The following STIM2 variants were observed in gnomAD, a reference collection of about 807,000 sequenced individuals.
STIM2 encodes the protein stromal interaction molecule 2.
STIM2 carries 31 observed loss-of-function variants against 85.8 expected under a neutral mutation model. The ratio of observed to expected loss-of-function variants is 0.36; its 90% CI spans 0.27 to 0.49. The LOEUF (loss-of-function observed/expected upper bound fraction) is 0.49, where lower values mean the gene tolerates loss of function less well. STIM2 is among the 20% of genes least tolerant of loss of function. STIM2 has a pLI of 0.98. For missense variants in STIM2, 841 were observed against 927.6 expected (o/e 0.91, Z 1.21); for synonymous variants, 356 against 331.1 (o/e 1.08, Z -0.82).
Position 27,002,926 on chromosome 4 carries a change from G to T in STIM2, c.804-1G>T. On this transcript the variant is annotated splice_acceptor_variant, in intron 6 of 11. Transcript: ENST00000467087. LOFTEE classifies it high-confidence loss of function. ...AATTTTTATTTTTATTGTTCTATAA[G>T]GCTTGAAAAGGCACAGGAAGAAAAC... The T allele has an allele frequency of 1.3e-6, 2 of 1,548,350 alleles. No homozygotes were observed. Among genetic ancestry groups the T allele is most frequent in the Non-Finnish European group, 1.7e-6 (2 of 1,156,368 alleles).
rs780713269 is a variant in STIM2, at chr4:27,008,944, T to C, written c.1431T>C (p.Ile477=). The C allele has an allele frequency of 9.9e-6, 16 of 1,614,110 alleles. No homozygotes were observed. Among genetic ancestry groups the C allele is most frequent in the Admixed American group, 5.0e-5 (3 of 60,016 alleles). The change falls in exon 10 of 12, where the codon ATT becomes ATC. Residue 477 remains isoleucine (I), a synonymous_variant. Transcript: ENST00000467087. ...GAGTCTCCATTCCACCCTATCCAAT[T>C]GCTGGAGGAGTTGATGACTTAGATG...
chr4:26,899,564 G>T (rs544848212), intron 1 of STIM2, among the ~76,000 whole-genome samples: 4 of 152,228 alleles, frequency 2.6e-5, no homozygotes, highest in African/African-American at 9.6e-5. Context: ...GAAATTCCTA[G>T]ATAGTTTAGT....
At chr4:26,875,950 G>A (rs915696840) in intron 1 of STIM2, among the ~76,000 whole-genome samples, 1 of 152,146 alleles carries the variant, frequency 6.6e-6, no homozygotes, top group Non-Finnish European at 1.5e-5. Flanking sequence ...GAAGAGTTCA[G>A]TGTTTCCTTC....
In STIM2 at chr4:26,999,247, A is replaced by G. The variant is rs759016210; in HGVS notation, c.525A>G (p.Glu175=). 3.1e-6 allele frequency: 5 copies of G among 1,606,338 alleles called. No homozygotes were observed. Among genetic ancestry groups the G allele is most frequent in the African/African-American group, 2.7e-5 (2 of 74,524 alleles). The change falls in exon 5 of 12, where the codon GAA becomes GAG. Residue 175 remains glutamate, a synonymous_variant. Transcript: ENST00000467087. ...AAATAAACAGGATAGCAGTGCACGA[A>G]CCTTCATTTATGATCTCCCAGTTGA... is the stretch of plus-strand genomic sequence containing the variant.
At chr4:26,903,238 C>T (rs952841383) in intron 1 of STIM2, among the ~76,000 whole-genome samples, 10 of 152,128 alleles carry the variant, frequency 6.6e-5, no homozygotes, top group African/African-American at 2.4e-4. Flanking sequence ...TAAATCCATA[C>T]TCTGCAACTG....
intron 1 of STIM2, among the ~76,000 whole-genome samples, chr4:26,906,980 A>T (rs1038398278): frequency 6.6e-6 from 1 of 151,942 alleles, no homozygotes; most frequent in Admixed American, 6.6e-5. Flanking sequence ...AAAAAAAAAA[A>T]AAAGAATATG....
At position 27,002,203 on chromosome 4, in the gene STIM2, A is replaced by G; in HGVS notation, c.626-14A>G. On this transcript the variant is annotated splice_polypyrimidine_tract_variant and intron_variant, in intron 5 of 11. Transcript: ENST00000467087. ...CTCAAAGATTAATTTAATCATCTGT[A>G]ATTCTTTTAATAGGCCCACCTCATA... 6.3e-7 allele frequency: 1 copy of G among 1,577,112 alleles called. No homozygotes were observed. The highest frequency in any genetic ancestry group is 1.2e-5 in the South Asian group (1 of 84,310).
At chr4:26,873,449 C>T (rs1722703405) in intron 1 of STIM2, 2 of 232,690 alleles carry the variant, frequency 8.6e-6, no homozygotes, top group Admixed American at 5.1e-5. Flanking sequence ...TGTGTTAGTT[C>T]TGAACTAAAT....
At chr4:26,874,531 GT>G (rs1231844958) in intron 1 of STIM2, among the ~76,000 whole-genome samples, 2 of 152,072 alleles carry the variant, frequency 1.3e-5, no homozygotes, top group Non-Finnish European at 2.9e-5. Context: ...AAACCAAGCA[GT>G]TATTGTTAAT....
chr4:26,873,748 A>G (rs1722714097), intron 1 of STIM2: 1 of 883,306 alleles, frequency 1.1e-6, no homozygotes, highest in Admixed American at 1.8e-5. Context: ...CACAGGCTCT[A>G]GGTCACTGTC....
At chr4:27,007,506 C>A in intron 7 of STIM2, 27 bp from the exon 8 acceptor site, 1 of 1,434,076 alleles carries the variant, frequency 7.0e-7, no homozygotes, top group South Asian at 1.6e-5. Context: ...TCTCTCCTTT[C>A]TTGCCTCCTT....
intron 6 of STIM2, among the ~76,000 whole-genome samples, chr4:27,002,635 A>G (rs531103715): frequency 5.3e-5 from 8 of 152,342 alleles, no homozygotes; most frequent in African/African-American, 1.4e-4. Context: ...GTGGAATTAG[A>G]TGTGTAGTTA....
chr4:26,932,017 A>G (rs991465632), intron 2 of STIM2, among the ~76,000 whole-genome samples: 3 of 152,200 alleles, frequency 2.0e-5, no homozygotes, highest in Admixed American at 1.3e-4. Flanking sequence ...AGCATTTACT[A>G]TTTGTTCCAT....
intron 7 of STIM2, among the ~76,000 whole-genome samples, chr4:27,004,720 T>C (rs1055515087): frequency 1.3e-5 from 2 of 152,170 alleles, no homozygotes; most frequent in African/African-American, 4.8e-5. Context: ...ATGTGATGTA[T>C]TGGTATTATT....
At chr4:26,920,974 T>G (rs1359664592) in intron 2 of STIM2, among the ~76,000 whole-genome samples, 1 of 152,210 alleles carries the variant, frequency 6.6e-6, no homozygotes, top group African/African-American at 2.4e-5. Flanking sequence ...AAAAACATGT[T>G]GAAGTCCTAA....
chr4:26,976,246 G>A (rs1381060151), intron 3 of STIM2, among the ~76,000 whole-genome samples: 1 of 152,086 alleles, frequency 6.6e-6, no homozygotes, highest in East Asian at 1.9e-4. Flanking sequence ...GCCCTCCGTT[G>A]GCTGCACACG....
chr4:26,957,592 T>G lies in STIM2; in HGVS notation c.283-20T>G. 1.5e-6 allele frequency: 2 copies of G among 1,319,976 alleles called. No homozygotes were observed. Among genetic ancestry groups the G allele is most frequent in the South Asian group, 3.0e-5 (2 of 67,640 alleles). 81.8% of individuals were successfully genotyped at this position (1,319,976 alleles called of 1,614,324 possible). On this transcript the variant is annotated intron_variant, in intron 2 of 11. Transcript: ENST00000467087. The stretch of plus-strand genomic sequence containing the variant: ...TAAGGTAATGAATTTATATTTAACT[T>G]AATGTTTTCTCTTCTATAGTTCATC...
intron 3 of STIM2, among the ~76,000 whole-genome samples, chr4:26,961,679 A>G (rs1187036209): frequency 3.9e-5 from 6 of 152,202 alleles, no homozygotes; most frequent in African/African-American, 1.4e-4. Flanking sequence ...GCTCACTATT[A>G]TACACAGAAG....
At chr4:26,998,288 C>A (rs1267903198) in intron 4 of STIM2, among the ~76,000 whole-genome samples, 1 of 152,012 alleles carries the variant, frequency 6.6e-6, no homozygotes, top group East Asian at 1.9e-4. Context: ...CCTTATTTTA[C>A]CTGTGCCTCC....
Sources: gnomAD v4.1 joint callset for allele counts (sites outside exome capture counted in the v4.1 genomes callset) on GRCh38, gnomAD v4.1.1 for gene constraint, MANE v1.5 for transcripts, NCBI Gene and HGNC (gene_info 2026-07-23, HGNC 2026-07-21) for gene names.